CEP95: variants seen among roughly 807,000 people sequenced by gnomAD.
CEP95 encodes the protein centrosomal protein of 95 kDa.
A neutral mutation model predicts 111.2 loss-of-function variants in CEP95; 98 were observed. The observed-to-expected ratio is 0.88, with a 90% CI of 0.75 to 1.04. CEP95 has a LOEUF of 1.04. Among genes scored for constraint, CEP95 ranks in the 50% least tolerant of loss-of-function variants. CEP95 has a pLI of 0.00. For synonymous variants in CEP95, 323 were observed against 327.1 expected (o/e 0.99, Z 0.14); for missense variants, 1,027 against 977.2 (o/e 1.05, Z -0.68).
At chr17:64,521,319 T>C in intron 6 of CEP95, 83 bp from the exon 7 acceptor site, 1 of 948,510 alleles carries the variant, frequency 1.1e-6, no homozygotes, top group South Asian at 1.6e-5. Flanking sequence ...GTTTCCTGAG[T>C]ACAAAACTCT....
At chr17:64,508,563 G>T in intron 1 of CEP95, 29 bp from the exon 2 acceptor site, 1 of 1,349,082 alleles carries the variant, frequency 7.4e-7, no homozygotes, top group South Asian at 2.1e-5. Context: ...TGGTTTTTAA[G>T]ACTGATCTTT....
Position 64,508,652 on chromosome 17 carries a change from A to T in CEP95, c.80A>T (p.Glu27Val). 1 of 1,468,690 alleles carries T rather than the reference A, an allele frequency of 6.8e-7. No homozygotes were observed. The highest frequency in any genetic ancestry group is 9.1e-7 in the Non-Finnish European group (1 of 1,101,906). 91.0% of individuals were successfully genotyped at this position (1,468,690 alleles called of 1,614,324 possible). The change falls in exon 2 of 20, where the codon GAA (glutamate) becomes GTA (valine). Residue 27 changes from glutamate to valine, a missense_variant. Glu to Val is a moderately radical substitution (Grantham distance 121). Coordinates refer to ENST00000556440, the MANE Select transcript of CEP95 (RefSeq NM_138363.3). ...FKCHIHLRIH[E>V]LQDCDANVFI... ...TGTCATATACATCTGAGAATACATG[A>T]ACTTCAAGACTGTGATGCTAATGTT... is the stretch of plus-strand genomic sequence containing the variant.
At chr17:64,533,608 A>T (rs1968441218) in intron 16 of CEP95, among the ~76,000 whole-genome samples, 1 of 152,174 alleles carries the variant, frequency 6.6e-6, no homozygotes, top group East Asian at 1.9e-4. Context: ...CCCTGTCTCA[A>T]CAACAACAAA....
intron 1 of CEP95, chr17:64,507,543 A>G (rs1322348810): frequency 1.2e-5 from 13 of 1,079,474 alleles, no homozygotes; most frequent in Admixed American, 4.9e-5. Context: ...GCAGAATAGT[A>G]GAATATGCCC....
chr17:64,507,599 A>T, intron 1 of CEP95: 6 of 1,004,690 alleles, frequency 6.0e-6, no homozygotes, highest in Non-Finnish European at 7.1e-6. Context: ...CTCTAGAGTC[A>T]TGGGCTTTGT....
chr17:64,537,936 G>GTT lies in CEP95; in HGVS notation c.*160_*161dup, dbSNP rs1598259813. The GTT allele has an allele frequency of 6.8e-6, 3 of 442,060 alleles. No homozygotes were observed. The South Asian group carries it at 3.3e-4, about 49-fold the overall frequency. 27.4% of individuals were successfully genotyped at this position (442,060 alleles called of 1,614,324 possible). A position where few individuals can be genotyped will look rare whatever the true frequency, so the allele number is the denominator to read the frequency against. On this transcript the variant is annotated 3_prime_UTR_variant, in exon 20 of 20. Coordinates refer to ENST00000556440, the MANE Select transcript of CEP95 (RefSeq NM_138363.3). ...TTTTATGATTTTTTAAATAAAAATTGTTTTCTAAAAGCTTATTGCTTTTGA... is the reference window on the plus strand; with the variant it reads ...TTTTATGATTTTTTAAATAAAAATTGTTTTTTCTAAAAGCTTATTGCTTTTGA...
chr17:64,527,862 G>A (rs1473331664), intron 11 of CEP95, among the ~76,000 whole-genome samples: 1 of 132,568 alleles, frequency 7.5e-6, no homozygotes, highest in Admixed American at 8.2e-5. Flanking sequence ...ATGTGTGTGT[G>A]TGTGTGTGTA....
At chr17:64,508,386 C>T in intron 1 of CEP95, 1 of 984,530 alleles carries the variant, frequency 1.0e-6, no homozygotes, top group Non-Finnish European at 1.2e-6. Flanking sequence ...TTACAGCACT[C>T]TGGAAATCAT....
At chr17:64,509,080 C>A (rs1332938059) in intron 2 of CEP95, among the ~76,000 whole-genome samples, 1 of 152,082 alleles carries the variant, frequency 6.6e-6, no homozygotes, top group Non-Finnish European at 1.5e-5. Flanking sequence ...AATGTACCTT[C>A]AAAGGTTGTA....
chr17:64,509,913 A>G (rs1043788590), intron 2 of CEP95, among the ~76,000 whole-genome samples: 3 of 152,010 alleles, frequency 2.0e-5, no homozygotes, highest in Non-Finnish European at 2.9e-5. Context: ...ATCTATATAT[A>G]TATATATGGT....
At chr17:64,532,174 C>T (rs1283070148) in intron 14 of CEP95, 152 bp downstream of exon 14, 14 of 1,349,932 alleles carry the variant, frequency 1.0e-5, no homozygotes, top group African/African-American at 4.5e-5. Context: ...GCTGGTTTTC[C>T]GTAGAGGGCT....
intron 6 of CEP95, among the ~76,000 whole-genome samples, chr17:64,519,669 G>A (rs1272806389): frequency 2.6e-5 from 4 of 152,136 alleles, no homozygotes; most frequent in African/African-American, 9.7e-5. Context: ...GGTAATTTGC[G>A]GTTCCTTATA....
intron 4 of CEP95, among the ~76,000 whole-genome samples, chr17:64,515,468 G>A (rs1165458971): frequency 6.6e-6 from 1 of 152,176 alleles, no homozygotes; most frequent in African/African-American, 2.4e-5. Flanking sequence ...GTTTTTTACA[G>A]TTTAGTGCTT....
intron 2 of CEP95, among the ~76,000 whole-genome samples, chr17:64,508,934 T>C (rs1308220784): frequency 6.6e-6 from 1 of 151,966 alleles, no homozygotes; most frequent in Non-Finnish European, 1.5e-5. Context: ...ATAATTATAA[T>C]ATTGTATTCC....
chr17:64,507,253 C>T (rs1174733622), intron 1 of CEP95, 137 bp downstream of exon 1: 16 of 1,513,784 alleles, frequency 1.1e-5, no homozygotes, highest in Non-Finnish European at 1.4e-5. Flanking sequence ...CTGGCGGGTT[C>T]CCTGGATAGG....
At chr17:64,534,827 A>T in intron 17 of CEP95, 90 bp downstream of exon 17, 1 of 1,467,934 alleles carries the variant, frequency 6.8e-7, no homozygotes, top group Middle Eastern at 1.7e-4. Flanking sequence ...TCTTGTCCAA[A>T]TTTGAATCCA....
Position 64,526,130 on chromosome 17 carries a change from A to G in CEP95, c.1082A>G (p.Lys361Arg), listed in dbSNP as rs1967798654. 6.2e-7 allele frequency: 1 copy of G among 1,613,874 alleles called. No homozygotes were observed. The highest frequency in any genetic ancestry group is 8.5e-7 in the Non-Finnish European group (1 of 1,179,806). The part of the protein sequence containing the change: ...CNSPFPQRPR[K>R]RLTEQELHDV... Reference sequence around the variant, plus strand: ...TCACCTTTCCCCCAGAGGCCAAGAAAGAGATTAACAGAACAAGAATTACAT... The same window carrying G: ...TCACCTTTCCCCCAGAGGCCAAGAAGGAGATTAACAGAACAAGAATTACAT... The change falls in exon 10 of 20, where the codon AAG (lysine) becomes AGG (arginine). Residue 361 changes from lysine (K) to arginine (R), a missense_variant. Transcript: ENST00000556440.
chr17:64,507,058 C>T lies in CEP95; in HGVS notation c.-40C>T. 3 of 1,550,750 alleles carry T rather than the reference C, an allele frequency of 1.9e-6. No homozygotes were observed. Among genetic ancestry groups the T allele is most frequent in the South Asian group, 1.2e-5 (1 of 84,046 alleles). On this transcript the variant is annotated 5_prime_UTR_variant, in exon 1 of 20. Coordinates refer to ENST00000556440, the MANE Select transcript of CEP95 (RefSeq NM_138363.3). ...GTCCTTCCAGGACACCGTCGCCTTC[C>T]CGGCCGCGTCGGAGTCCGGCGGCGA...
chr17:64,534,634 TAAA>T lies in CEP95; in HGVS notation c.1969_1971del (p.Lys657del). 1 of 1,613,208 alleles carries T rather than the reference TAAA, an allele frequency of 6.2e-7. No homozygotes were observed. The highest frequency in any genetic ancestry group is 8.5e-7 in the Non-Finnish European group (1 of 1,179,446). The stretch of plus-strand genomic sequence containing the variant: ...AGGCAAAGGTTGACCCAATCAAAGA[TAAA>T]AGAAAATCGACAGCAAATCGTTCGT... On this transcript the variant is annotated inframe_deletion, in exon 17 of 20. Transcript: ENST00000556440.
Sources: gnomAD v4.1 joint callset for allele counts (sites outside exome capture counted in the v4.1 genomes callset) on GRCh38, gnomAD v4.1.1 for gene constraint, MANE v1.5 for transcripts, NCBI Gene and HGNC (gene_info 2026-07-23, HGNC 2026-07-21) for gene names.